The following CASZ1 variants were observed in gnomAD, a reference collection of about 807,000 sequenced individuals.
CASZ1 encodes the protein zinc finger protein castor homolog 1.
A neutral mutation model predicts 135.2 loss-of-function variants in CASZ1; 28 were observed. That is an observed-to-expected ratio of 0.21 (90% CI 0.15 to 0.28). CASZ1 has a LOEUF of 0.28. Among genes scored for constraint, CASZ1 ranks in the 10% least tolerant of loss-of-function variants. The pLI, the probability that CASZ1 is intolerant of heterozygous loss-of-function variation, is 1.00. For synonymous variants in CASZ1, 1,068 were observed against 1,073.4 expected (o/e 0.99, Z 0.10); for missense variants, 2,161 against 2,453.3 (o/e 0.88, Z 2.52).
Position 10,660,828 on chromosome 1 carries a change from C to T in CASZ1, c.506-292G>A, listed in dbSNP as rs563288837. On this transcript the variant is annotated intron_variant, in intron 5 of 20. Coordinates refer to ENST00000377022, the MANE Select transcript of CASZ1 (RefSeq NM_001079843.3). ...CTTTTCAGTACATTAAACAAAGTTT[C>T]ATAAATGTCTCCGCTCTCTCGCCTT... 432 of 457,110 alleles carry T rather than the reference C, an allele frequency of 9.5e-4. 3 individuals carry two copies. The Middle Eastern group carries it at 0.014, about 14-fold the overall frequency. 28.3% of individuals were successfully genotyped at this position (457,110 alleles called of 1,614,324 possible).
Position 10,638,374 on chromosome 1 carries a change from G to T in CASZ1, c.*568C>A, listed in dbSNP as rs1372531280. 6.6e-6 allele frequency: 1 copy of T among 152,162 alleles called. No individual in the cohort carries two copies. The highest frequency in any genetic ancestry group is 1.5e-5 in the Non-Finnish European group (1 of 68,074). The allele number at this position is 152,162 out of a possible 1,614,324, so 9.4% of individuals were successfully genotyped here. Reference sequence around the variant, plus strand: ...AGGCCTGGGGGAGCAGCCGGGCCCTGGGGTGGGGCTGAGCTGGAGCTCCGC... The same window carrying T: ...AGGCCTGGGGGAGCAGCCGGGCCCTTGGGTGGGGCTGAGCTGGAGCTCCGC... On this transcript the variant is annotated 3_prime_UTR_variant, in exon 21 of 21. Coordinates refer to ENST00000377022, the MANE Select transcript of CASZ1 (RefSeq NM_001079843.3). This position sits in a 1 kb window ranked among gnomAD's most constrained non-coding sequence, Gnocchi z 5.9.
intron 4 of CASZ1, among the ~76,000 whole-genome samples, chr1:10,670,103 G>T (rs1343321790): frequency 1.3e-5 from 2 of 152,182 alleles, no homozygotes; most frequent in African/African-American, 4.8e-5. Flanking sequence ...GTGGGCTGGG[G>T]CCCTGCCTTC....
chr1:10,780,851 G>A (rs751004369), intron 1 of CASZ1, among the ~76,000 whole-genome samples: 13 of 152,168 alleles, frequency 8.5e-5, no homozygotes, highest in Non-Finnish European at 1.6e-4. Flanking sequence ...CAGGTACAAT[G>A]GGAATCGAAC....
intron 3 of CASZ1, among the ~76,000 whole-genome samples, chr1:10,698,291 A>G (rs1469528787): frequency 6.6e-6 from 1 of 152,268 alleles, no homozygotes; most frequent in Non-Finnish European, 1.5e-5. Flanking sequence ...TAGGAAAATT[A>G]TAGTGAAATT....
rs768102868 is a variant in CASZ1, at chr1:10,639,098, CTCGTCGTCG to C, written c.5115_5123del (p.Asp1705_Asp1707del). ...TGCGCAGGTCCTCGTCGTCGTCGTCCTCGTCGTCGTCCTCGTCGTCGTCGTCCTCGTCGT... is the reference window on the plus strand; with the variant it reads ...TGCGCAGGTCCTCGTCGTCGTCGTCCTCCTCGTCGTCGTCGTCCTCGTCGT... On this transcript the variant is annotated inframe_deletion, in exon 21 of 21. Transcript: ENST00000377022. The surrounding 1 kb of genome is among the most constrained non-coding windows in gnomAD (Gnocchi z 4.0). 1 of 1,119,746 alleles carries C rather than the reference CTCGTCGTCG, an allele frequency of 8.9e-7. No individual in the cohort carries two copies. Among genetic ancestry groups the C allele is most frequent in the Non-Finnish European group, 1.1e-6 (1 of 886,140 alleles). The allele number at this position is 1,119,746 out of a possible 1,614,324, so 69.4% of individuals were successfully genotyped here. A position where few individuals can be genotyped will look rare whatever the true frequency, so the allele number is the denominator to read the frequency against.
rs117912050 is a variant in CASZ1 at position 10,755,555 on chromosome 1, A to T, written c.-77+5146T>A. Among the ~76,000 whole-genome samples the T allele has an allele frequency of 1.1e-3, 174 of 151,956 alleles. 5 individuals are homozygous for T. In the East Asian group the frequency reaches 0.032, roughly 28 times the overall value. On this transcript the variant is annotated intron_variant, in intron 2 of 20. Transcript: ENST00000377022. This position sits in a 1 kb window ranked among gnomAD's most constrained non-coding sequence, Gnocchi z 4.3. ...TCCCCCGAGTAGCTCCAGACAGGGC[A>T]GGTGCCCCCAGCCCTTCCCAATCCC...
chr1:10,718,325 C>T (rs1639432697), intron 2 of CASZ1, among the ~76,000 whole-genome samples: 1 of 152,230 alleles, frequency 6.6e-6, no homozygotes, highest in South Asian at 2.1e-4. Flanking sequence ...GGCCCTGCGC[C>T]CACACACAGC....
intron 4 of CASZ1, among the ~76,000 whole-genome samples, chr1:10,670,163 G>A (rs1288002633): frequency 2.0e-5 from 3 of 152,204 alleles, no homozygotes; most frequent in Admixed American, 6.5e-5. Context: ...CTGGGCCATG[G>A]TGTCTGGGGC....
intron 5 of CASZ1, chr1:10,661,539 T>C (rs1244438032): frequency 8.5e-6 from 1 of 117,744 alleles, no homozygotes; most frequent in Non-Finnish European, 1.8e-5. Flanking sequence ...ACACACACAG[T>C]GACATTCACA....
chr1:10,671,058 C>T (rs1643383448), intron 4 of CASZ1, among the ~76,000 whole-genome samples: 1 of 152,246 alleles, frequency 6.6e-6, no homozygotes, highest in African/African-American at 2.4e-5. Flanking sequence ...CCACTGGGCC[C>T]TAGCTTGCCC....
At chr1:10,744,674 T>C (rs1240049907) in intron 2 of CASZ1, among the ~76,000 whole-genome samples, 7 of 124,316 alleles carry the variant, frequency 5.6e-5, no homozygotes, top group African/African-American at 2.0e-4. Flanking sequence ...CGAGCAGGCA[T>C]GTCCTGGGCA....
intron 3 of CASZ1, among the ~76,000 whole-genome samples, chr1:10,705,020 G>T (rs563474300): frequency 2.6e-5 from 4 of 152,364 alleles, no homozygotes; most frequent in African/African-American, 4.8e-5. Context: ...AGCCACTAGG[G>T]GTGGCACAGC....
intron 1 of CASZ1, among the ~76,000 whole-genome samples, chr1:10,785,050 T>G (rs368829891): frequency 0.013 from 1,887 of 145,302 alleles, 39 homozygotes; most frequent in African/African-American, 0.045. Flanking sequence ...TTGCTTGCTT[T>G]CTTTCTGTCT....
chr1:10,675,905 C>T lies in CASZ1; in HGVS notation c.17-10334G>A, dbSNP rs946040081. 5.9e-5 allele frequency among the ~76,000 whole-genome samples: 9 copies of T among 151,734 alleles called. No individual in the cohort carries two copies. In the East Asian group the frequency reaches 1.6e-3, roughly 26 times the overall value. Reference sequence around the variant, plus strand: ...TTTGCAGGGAGCTGGCCTGGCAGGCCGGTCCGGGCCAGAGCTGCCTGGGAT... The same window carrying T: ...TTTGCAGGGAGCTGGCCTGGCAGGCTGGTCCGGGCCAGAGCTGCCTGGGAT... On this transcript the variant is annotated intron_variant, in intron 4 of 20. Transcript: ENST00000377022.
At chr1:10,745,705 C>T (rs1640026566) in intron 2 of CASZ1, among the ~76,000 whole-genome samples, 1 of 152,164 alleles carries the variant, frequency 6.6e-6, no homozygotes, top group African/African-American at 2.4e-5. Context: ...GTTTGAATCC[C>T]AATGCTCTGT....
At chr1:10,667,837 T>C (rs990552844) in intron 4 of CASZ1, among the ~76,000 whole-genome samples, 1 of 150,142 alleles carries the variant, frequency 6.7e-6, no homozygotes, top group African/African-American at 2.5e-5. Context: ...TCCCCGCACT[T>C]TGGCCCACCC....
rs1015135919 is a variant in CASZ1, at chr1:10,701,528, G to A, written c.-24+3964C>T. Among the ~76,000 whole-genome samples the A allele has an allele frequency of 5.3e-5, 8 of 151,376 alleles. No homozygotes were observed. Among genetic ancestry groups the A allele is most frequent in the Non-Finnish European group, 1.0e-4 (7 of 68,028 alleles). On this transcript the variant is annotated intron_variant, in intron 3 of 20. Transcript: ENST00000377022. The surrounding 1 kb of genome is among the most constrained non-coding windows in gnomAD (Gnocchi z 6.3). ...GCCCTTCAGAGTGATGGAGTGATGG[G>A]AGGAGGGGGGGCGCGGTCAGAAGAA... is the stretch of plus-strand genomic sequence containing the variant.
Position 10,639,233 on chromosome 1 carries a change from GGCGCCC to G in CASZ1, c.4983_4988del (p.Glu1661_Ala1663delinsAsp). ...CCCCAGCTGCGGCGGCGGCGGCGGCGGCGCCCTCGCGCGGCCCGGGGGCGGCGGCGT... is the reference window on the plus strand; with the variant it reads ...CCCCAGCTGCGGCGGCGGCGGCGGCGTCGCGCGGCCCGGGGGCGGCGGCGT... On this transcript the variant is annotated inframe_deletion, in exon 21 of 21. Transcript: ENST00000377022. This position sits in a 1 kb window ranked among gnomAD's most constrained non-coding sequence, Gnocchi z 4.0. The G allele has an allele frequency of 1.1e-6, 1 of 924,258 alleles. No individual in the cohort carries two copies. Among genetic ancestry groups the G allele is most frequent in the Non-Finnish European group, 1.3e-6 (1 of 774,620 alleles). The allele number at this position is 924,258 out of a possible 1,614,324, so 57.3% of individuals were successfully genotyped here.
intron 1 of CASZ1, among the ~76,000 whole-genome samples, chr1:10,772,827 T>C (rs1260418613): frequency 1.3e-5 from 2 of 152,068 alleles, no homozygotes; most frequent in African/African-American, 2.4e-5. Flanking sequence ...GCTGTATGGG[T>C]GGGCTCAGTA....
Sources: gnomAD v4.1 joint callset for allele counts (sites outside exome capture counted in the v4.1 genomes callset) on GRCh38, gnomAD v4.1.1 for gene constraint, Gnocchi (gnomAD v3.1) non-coding constraint, MANE v1.5 for transcripts, NCBI Gene and HGNC (gene_info 2026-07-23, HGNC 2026-07-21) for gene names.